The following WNK2 variants were observed in gnomAD, a reference collection of about 807,000 sequenced individuals.
WNK2 encodes WNK lysine deficient protein kinase 2.
A neutral mutation model predicts 192.1 loss-of-function variants in WNK2; 67 were observed. The observed-to-expected ratio is 0.35, with a 90% confidence interval of 0.29 to 0.43. The LOEUF is 0.43. WNK2 is among the 20% of genes least tolerant of loss of function. The probability of loss-of-function intolerance (pLI) is 1.00; values close to 1 mark genes in which losing one functional copy is unlikely to be tolerated. For synonymous variants in WNK2, 1,439 were observed against 1,393.9 expected (o/e 1.03, Z -0.72); for missense variants, 2,698 against 3,089.7 (o/e 0.87, Z 3.01).
intron 19 of WNK2, among the ~76,000 whole-genome samples, chr9:93,275,947 T>G (rs565601639): frequency 1.2e-4 from 18 of 151,908 alleles, no homozygotes; most frequent in Admixed American, 9.2e-4. Flanking sequence ...ATGAAATGAA[T>G]CAAAGGTTAC....
intron 4 of WNK2, among the ~76,000 whole-genome samples, chr9:93,231,325 C>T (rs1175392915): frequency 6.6e-6 from 1 of 152,250 alleles, no homozygotes; most frequent in African/African-American, 2.4e-5. Flanking sequence ...TCCCAGACCA[C>T]TTGGGCTGGG....
Position 93,263,926 on chromosome 9 carries a change from A to G in WNK2, c.3589A>G (p.Thr1197Ala). 6.2e-7 allele frequency: 1 copy of G among 1,612,660 alleles called. No homozygotes were observed. The highest frequency in any genetic ancestry group is 8.5e-7 in the Non-Finnish European group (1 of 1,179,588). ...PRLTILNVCN[T>A]GDKMVECQLE... is the part of the protein sequence containing the mutation. ...ATGCTGCCCCTTCCAGGTGTGCAAC[A>G]CTGGGGACAAGATGGTGGAGTGCCA... Residue 1197 changes from threonine to alanine, a missense_variant, in exon 16 of 30, where the codon ACT (threonine) becomes GCT (alanine). Around this residue, in one of 7 missense-constraint regions of WNK2, gnomAD observed 893 missense variants for 909.0 expected, o/e 0.98. Transcript: ENST00000427277.
At chr9:93,220,763 G>A (rs7868971) in intron 2 of WNK2, among the ~76,000 whole-genome samples, 63,622 of 152,036 alleles carry the variant, frequency 0.42, 14,687 homozygotes, top group Admixed American at 0.52. Flanking sequence ...TGGTGGGCCC[G>A]GGGAGTGGGC....
At chr9:93,315,280 C>G (rs554589489) in intron 28 of WNK2, among the ~76,000 whole-genome samples, 8 of 152,328 alleles carry the variant, frequency 5.3e-5, no homozygotes, top group African/African-American at 1.9e-4. Flanking sequence ...TTTCATTTTT[C>G]TGTCAGAATT....
At chr9:93,300,651 G>A (rs1405846908) in intron 26 of WNK2, among the ~76,000 whole-genome samples, 3 of 152,154 alleles carry the variant, frequency 2.0e-5, no homozygotes, top group Admixed American at 6.5e-5. Flanking sequence ...TGCACATAGC[G>A]AGCCTATACG....
At chr9:93,252,002 A>G (rs1295973176) in intron 8 of WNK2, among the ~76,000 whole-genome samples, 1 of 152,248 alleles carries the variant, frequency 6.6e-6, no homozygotes, top group Non-Finnish European at 1.5e-5. Context: ...TTATAAACAG[A>G]CACAGTATTC....
intron 29 of WNK2, chr9:93,318,734 G>T (rs746715868): frequency 4.2e-6 from 6 of 1,435,708 alleles, no homozygotes; most frequent in African/African-American, 2.9e-5. Context: ...CCGCTCTCCC[G>T]TCCAGCCCTA....
chr9:93,217,934 C>G (rs1221808826), intron 2 of WNK2, among the ~76,000 whole-genome samples: 4 of 151,528 alleles, frequency 2.6e-5, no homozygotes, highest in African/African-American at 4.9e-5. Context: ...GAAGACCAAG[C>G]CAGAACCAGG....
chr9:93,214,058 A>G (rs1835261780), intron 2 of WNK2, among the ~76,000 whole-genome samples: 1 of 152,130 alleles, frequency 6.6e-6, no homozygotes, highest in African/African-American at 2.4e-5. Context: ...GAGAGTGACA[A>G]TGACTGATGC....
In WNK2 at chr9:93,185,017, C is replaced by A; in HGVS notation, c.88C>A (p.Arg30=). 1 of 1,249,914 alleles carries A rather than the reference C, an allele frequency of 8.0e-7. No individual in the cohort carries two copies. The allele number at this position is 1,249,914 out of a possible 1,614,324, so 77.4% of individuals were successfully genotyped here. The change falls in exon 2 of 30, where the codon CGG becomes AGG. Residue 30 remains arginine (R), a synonymous_variant. Coordinates refer to ENST00000427277, the MANE Select transcript of WNK2 (RefSeq NM_006648.4). The stretch of plus-strand genomic sequence containing the variant: ...GGGGCCCGCGGGCATGGCGGAGCCT[C>A]GGGCGAAGGCGGCGCGGCCGGGGCC... ...GAGPAGMAEP[R]AKAARPGPQR... is the part of the protein sequence containing the mutation.
intron 25 of WNK2, 59 bp from the exon 26 acceptor site, chr9:93,299,992 G>T: frequency 6.9e-7 from 1 of 1,449,276 alleles, no homozygotes; most frequent in Non-Finnish European, 9.7e-7. Context: ...AGGAGGAATC[G>T]CAGCAACCTG....
intron 2 of WNK2, among the ~76,000 whole-genome samples, chr9:93,191,766 C>A (rs1295241038): frequency 6.6e-6 from 1 of 152,070 alleles, no homozygotes; most frequent in Non-Finnish European, 1.5e-5. Flanking sequence ...TGGTGACTCA[C>A]GCCTGTAATC....
At chr9:93,296,721 A>C (rs1477272213) in intron 23 of WNK2, among the ~76,000 whole-genome samples, 3 of 36,444 alleles carry the variant, frequency 8.2e-5, no homozygotes, top group Non-Finnish European at 1.0e-4. Context: ...CTCCCTCTCT[A>C]TCCTCCCCTC....
At chr9:93,277,530 A>G (rs532191244) in intron 19 of WNK2, among the ~76,000 whole-genome samples, 1 of 152,342 alleles carries the variant, frequency 6.6e-6, no homozygotes, top group East Asian at 1.9e-4. Context: ...TCATTGGTAA[A>G]TTGATCAACA....
rs779181916 is a variant in WNK2 at position 93,289,135 on chromosome 9, G to A, written c.4381G>A (p.Glu1461Lys). 6 of 1,602,036 alleles carry A rather than the reference G, an allele frequency of 3.7e-6. No individual in the cohort carries two copies. Among genetic ancestry groups the A allele is most frequent in the Non-Finnish European group, 5.1e-6 (6 of 1,173,800 alleles). ...VGLAPCTPAP[E>K]AASTRDASAP... is the part of the protein sequence containing the mutation. ...CCTAGCACCTTGCACTCCAGCTCCA[G>A]AGGCTGCCTCAACCAGGGACGCCAG... The change falls in exon 20 of 30, where the codon GAG becomes AAG. Residue 1461 changes from glutamate (E) to lysine (K), a missense_variant. Physicochemically the swap from Glu to Lys is moderately conservative, Grantham distance 56. Around this residue, in one of 7 missense-constraint regions of WNK2, gnomAD observed 1,098 missense variants for 1,101.0 expected, o/e 1.00. Coordinates refer to ENST00000427277, the MANE Select transcript of WNK2 (RefSeq NM_006648.4).
intron 28 of WNK2, among the ~76,000 whole-genome samples, chr9:93,315,259 G>A (rs1404834388): frequency 1.3e-5 from 2 of 152,232 alleles, no homozygotes; most frequent in African/African-American, 4.8e-5. Context: ...TGAGTGGAAA[G>A]TCTGCTCAAC....
In WNK2 at chr9:93,257,664, C is replaced by A. The variant is rs557334891; in HGVS notation, c.2382+525C>A. On this transcript the variant is annotated intron_variant, in intron 11 of 29. Coordinates refer to ENST00000427277, the MANE Select transcript of WNK2 (RefSeq NM_006648.4). This position sits in a 1 kb window ranked among gnomAD's most constrained non-coding sequence, Gnocchi z 4.7. ...GGTAGGTTTGCCTCAGAGGAGCGTTCTTCCTGTGGAGCTCCTCCAGGGCCG... is the reference window on the plus strand; with the variant it reads ...GGTAGGTTTGCCTCAGAGGAGCGTTATTCCTGTGGAGCTCCTCCAGGGCCG... Among the ~76,000 whole-genome samples the A allele has an allele frequency of 6.6e-6, 1 of 152,348 alleles. No individual in the cohort carries two copies. Among genetic ancestry groups the A allele is most frequent in the South Asian group, 2.1e-4 (1 of 4,828 alleles).
Position 93,289,987 on chromosome 9 carries a change from T to C in WNK2, c.4876T>C (p.Ser1626Pro), listed in dbSNP as rs1316058694. The change falls in exon 21 of 30, where the codon TCA becomes CCA. Residue 1626 changes from serine to proline, a missense_variant. Transcript: ENST00000427277. Reference protein sequence around the residue: ...VQLPQPLVEKSELAPTRGAVM... With the variant: ...VQLPQPLVEKPELAPTRGAVM... ...GTGTTTCTTTCTCCAGGTGGAGAAG[T>C]CAGAACTGGCCCCCACTCGAGGGGC... 6.4e-7 allele frequency: 1 copy of C among 1,573,498 alleles called. No individual in the cohort carries two copies. The highest frequency in any genetic ancestry group is 2.3e-5 in the East Asian group (1 of 42,966).
At chr9:93,308,685 CTTCATT>C (rs1853075688) in intron 28 of WNK2, 101 bp downstream of exon 28, 1 of 1,387,864 alleles carries the variant, frequency 7.2e-7, no homozygotes, top group Admixed American at 2.6e-5. Context: ...CAGTTAAGCT[CTTCATT>C]TTCATGATCC....
Sources: gnomAD v4.1 joint callset for allele counts (sites outside exome capture counted in the v4.1 genomes callset) on GRCh38, gnomAD v4.1.1 for gene constraint, gnomAD v4.1.1 regional missense constraint, Gnocchi (gnomAD v3.1) non-coding constraint, MANE v1.5 for transcripts, NCBI Gene and HGNC (gene_info 2026-07-23, HGNC 2026-07-21) for gene names.